FGF12: variants seen among roughly 807,000 people sequenced by gnomAD.
FGF12 encodes fibroblast growth factor 12, also known as fibroblast growth factor 12B.
A neutral mutation model predicts 23.6 loss-of-function variants in FGF12; 14 were observed. The observed-to-expected ratio is 0.59, with a 90% CI of 0.39 to 0.93. The LOEUF (loss-of-function observed/expected upper bound fraction) is 0.93. Among genes scored for constraint, FGF12 ranks in the 40% least tolerant of loss-of-function variants. The probability of loss-of-function intolerance (pLI) is 0.00; values close to 1 mark genes in which losing one functional copy is unlikely to be tolerated. For missense variants in FGF12, 175 were observed against 217.8 expected, an observed-to-expected ratio of 0.80 and a Z score of 1.24; for synonymous variants, 62 against 77.3, an observed-to-expected ratio of 0.80 and a Z score of 1.04.
At chr3:192,310,688 C>T (rs114672689) in intron 4 of FGF12, among the ~76,000 whole-genome samples, 4,250 of 152,256 alleles carry the variant, frequency 0.028, 158 homozygotes, top group South Asian at 0.17. Context: ...AATACCTACT[C>T]AAATGTACCA....
At chr3:192,633,192 C>T (rs1342392721) in intron 2 of FGF12, among the ~76,000 whole-genome samples, 1 of 152,050 alleles carries the variant, frequency 6.6e-6, no homozygotes, top group Non-Finnish European at 1.5e-5. Context: ...ATTACAGGTG[C>T]ACATGACCAT....
At chr3:192,541,841 T>C (rs1725373470) in intron 2 of FGF12, among the ~76,000 whole-genome samples, 1 of 152,014 alleles carries the variant, frequency 6.6e-6, no homozygotes, top group Admixed American at 6.6e-5. Context: ...GTTAAATATG[T>C]CATGCCACTT....
intron 5 of FGF12, among the ~76,000 whole-genome samples, chr3:192,165,333 TG>T (rs1412319717): frequency 6.6e-6 from 1 of 151,716 alleles, no homozygotes; most frequent in African/African-American, 2.4e-5. Flanking sequence ...TCACAAATAA[TG>T]GAAATAGCTC....
At chr3:192,187,844 A>T (rs1716560250) in intron 4 of FGF12, among the ~76,000 whole-genome samples, 1 of 152,208 alleles carries the variant, frequency 6.6e-6, no homozygotes, top group African/African-American at 2.4e-5. Flanking sequence ...GGAAAGAAAA[A>T]GGAAGGGAAG....
intron 2 of FGF12, among the ~76,000 whole-genome samples, chr3:192,483,134 G>A (rs548705199): frequency 6.6e-6 from 1 of 152,242 alleles, no homozygotes; most frequent in African/African-American, 2.4e-5. Flanking sequence ...CACCCCTTAT[G>A]TTAGCCACTT....
At chr3:192,483,126 C>A (rs1243643905) in intron 2 of FGF12, among the ~76,000 whole-genome samples, 1 of 152,218 alleles carries the variant, frequency 6.6e-6, no homozygotes, top group Non-Finnish European at 1.5e-5. Context: ...ATTCTCAGCA[C>A]CCCTTATGTT....
intron 2 of FGF12, among the ~76,000 whole-genome samples, chr3:192,651,466 A>C (rs1215305097): frequency 6.6e-6 from 1 of 152,216 alleles, no homozygotes; most frequent in Middle Eastern, 3.2e-3. Flanking sequence ...ATGGCAAATA[A>C]GAGGCCTGCT....
rs1229617041 is a variant in FGF12, at chr3:192,579,221, C to T, written c.13+147960G>A. ...TATTTGGGAAAAGGTTACCTTGCAC[C>T]CTGGTAATAAGCCTGTTTCCAATAA... On this transcript the variant is annotated intron_variant, in intron 2 of 5. Coordinates refer to ENST00000445105, the MANE Select transcript of FGF12 (RefSeq NM_004113.6). 1.3e-5 allele frequency among the ~76,000 whole-genome samples: 2 copies of T among 151,974 alleles called. 1 individual carries two copies. Among genetic ancestry groups the T allele is most frequent in the Non-Finnish European group, 2.9e-5 (2 of 67,996 alleles).
chr3:192,320,900 C>T (rs1716497361), intron 4 of FGF12, among the ~76,000 whole-genome samples: 1 of 150,798 alleles, frequency 6.6e-6, no homozygotes, highest in Non-Finnish European at 1.5e-5. Context: ...TTGTAAAGAA[C>T]TAAAAAAACA....
At chr3:192,677,629 A>C (rs1003872064) in intron 2 of FGF12, among the ~76,000 whole-genome samples, 1 of 152,236 alleles carries the variant, frequency 6.6e-6, no homozygotes, top group Non-Finnish European at 1.5e-5. Flanking sequence ...CAAAATAGCC[A>C]TATGTTCTAT....
At chr3:192,591,963 A>T (rs1713644070) in intron 2 of FGF12, among the ~76,000 whole-genome samples, 1 of 151,810 alleles carries the variant, frequency 6.6e-6, no homozygotes, top group African/African-American at 2.4e-5. Context: ...AACCAGAAAA[A>T]AAAATTATAA....
At chr3:192,331,742 T>C (rs1308444670) in intron 4 of FGF12, among the ~76,000 whole-genome samples, 1 of 152,078 alleles carries the variant, frequency 6.6e-6, no homozygotes, top group Non-Finnish European at 1.5e-5. Flanking sequence ...AATTTTAGTT[T>C]TCCAGGATGG....
intron 4 of FGF12, among the ~76,000 whole-genome samples, chr3:192,233,055 T>C (rs1475294635): frequency 6.6e-6 from 1 of 152,148 alleles, no homozygotes; most frequent in Non-Finnish European, 1.5e-5. Flanking sequence ...TTATATTCCT[T>C]TGGGTGTACA....
intron 4 of FGF12, among the ~76,000 whole-genome samples, chr3:192,291,182 G>C (rs1241893680): frequency 6.6e-6 from 1 of 152,106 alleles, no homozygotes; most frequent in Non-Finnish European, 1.5e-5. Flanking sequence ...TGTATACGAA[G>C]AACATCTGAT....
intron 4 of FGF12, among the ~76,000 whole-genome samples, chr3:192,278,310 G>A (rs1314754947): frequency 1.3e-5 from 2 of 152,082 alleles, no homozygotes; most frequent in Admixed American, 1.3e-4. Context: ...AATTCTACAA[G>A]GAAGACATAG....
At chr3:192,394,284 A>G (rs1246641451) in intron 2 of FGF12, among the ~76,000 whole-genome samples, 1 of 152,220 alleles carries the variant, frequency 6.6e-6, no homozygotes, top group Non-Finnish European at 1.5e-5. Flanking sequence ...AAAATGCTAG[A>G]AACAAGGAAA....
At position 192,353,366 on chromosome 3, in the gene FGF12, C is replaced by CTTT. The variant is rs34992097; in HGVS notation, c.124+7059_124+7061dup. ...CAGAAAGATACATGGGAGCAGAAGT[C>CTTT]TTTTTTTTTTTTTTTTTTTTTGAGA... On this transcript the variant is annotated intron_variant, in intron 3 of 5. Transcript: ENST00000445105. 1.0e-3 allele frequency among the ~76,000 whole-genome samples: 100 copies of CTTT among 98,406 alleles called. 1 individual carries two copies. Among genetic ancestry groups the CTTT allele is most frequent in the East Asian group, 4.6e-3 (14 of 3,070 alleles). The allele number at this position is 98,406 out of a possible 152,430, so 64.6% of individuals were successfully genotyped here.
At chr3:192,582,578 G>A (rs1275232858) in intron 2 of FGF12, among the ~76,000 whole-genome samples, 1 of 152,052 alleles carries the variant, frequency 6.6e-6, no homozygotes, top group Non-Finnish European at 1.5e-5. Context: ...GCAGTCCTAA[G>A]GGTCAGGAGC....
chr3:192,573,426 G>T (rs2108607440), intron 2 of FGF12, among the ~76,000 whole-genome samples: 1 of 152,180 alleles, frequency 6.6e-6, no homozygotes, highest in Non-Finnish European at 1.5e-5. Context: ...TGTAATGGTG[G>T]GTGGGCCTCA....
Sources: gnomAD v4.1 joint callset for allele counts (sites outside exome capture counted in the v4.1 genomes callset) on GRCh38, gnomAD v4.1.1 for gene constraint, MANE v1.5 for transcripts, NCBI Gene and HGNC (gene_info 2026-07-23, HGNC 2026-07-21) for gene names.